Variants in MCPH1 observed in about 807,000 individuals in gnomAD.
The protein encoded by MCPH1 is microcephalin.
In MCPH1, 104 loss-of-function variants were observed where a neutral mutation model predicts 84.5. The ratio of observed to expected loss-of-function variants is 1.23; its 90% CI spans 1.05 to 1.45. The LOEUF (loss-of-function observed/expected upper bound fraction) is 1.45. MCPH1 is among the 40% of genes most tolerant of loss of function. MCPH1 has a pLI of 0.00. For synonymous variants in MCPH1, 514 were observed against 366.8 expected (o/e 1.40, Z -4.58); for missense variants, 1,498 against 1,005.7 (o/e 1.49, Z -6.62).
At position 6,644,558 on chromosome 8, in the gene MCPH1, A is replaced by C. The variant is rs1798119779; in HGVS notation, c.*1509A>C. The C allele has an allele frequency of 6.6e-6, 1 of 152,222 alleles. No individual in the cohort carries two copies. The highest frequency in any genetic ancestry group is 1.5e-5 in the Non-Finnish European group (1 of 68,052). 9.4% of individuals were successfully genotyped at this position (152,222 alleles called of 1,614,324 possible). A position where few individuals can be genotyped will look rare whatever the true frequency, so the allele number is the denominator to read the frequency against. ...TCCAAACACAGTAACATTCAAGCTG[A>C]GCACCAAATCAAGAACGCAATCCCA... On this transcript the variant is annotated 3_prime_UTR_variant, in exon 14 of 14. Transcript: ENST00000344683.
At chr8:6,470,457 G>A (rs992715434) in intron 9 of MCPH1, among the ~76,000 whole-genome samples, 2 of 151,930 alleles carry the variant, frequency 1.3e-5, no homozygotes, top group African/African-American at 4.8e-5. Flanking sequence ...GCTAATTTTT[G>A]TATTTTTAGG....
intron 12 of MCPH1, chr8:6,508,694 G>A (rs1453217352): frequency 3.4e-5 from 21 of 612,744 alleles, no homozygotes; most frequent in Non-Finnish European, 8.5e-6. Flanking sequence ...CCTTGCCAGG[G>A]CTAGGTCCTG....
In MCPH1 at chr8:6,419,146, C is replaced by CACAG. The variant is rs779519353; in HGVS notation, c.233+4266_233+4267insGACA. 7.4e-3 allele frequency among the ~76,000 whole-genome samples: 680 copies of CACAG among 92,512 alleles called. 1 individual carries two copies. Among genetic ancestry groups the CACAG allele is most frequent in the Middle Eastern group, 0.011 (2 of 174 alleles). 60.7% of individuals were successfully genotyped at this position (92,512 alleles called of 152,430 possible). ...ATACACATACACACACACACACACA[C>CACAG]ACACAGACACACACACACACACACA... is the stretch of plus-strand genomic sequence containing the variant. On this transcript the variant is annotated intron_variant, in intron 3 of 13. Transcript: ENST00000344683.
In MCPH1 at chr8:6,416,287, TGTC is replaced by T. The variant is rs1563174185; in HGVS notation, c.233+1405_233+1407del. 4.3e-3 allele frequency among the ~76,000 whole-genome samples: 3 copies of T among 704 alleles called. No homozygotes were observed. The East Asian group carries it at 0.19, about 44-fold the overall frequency. 0.5% of individuals were successfully genotyped at this position (704 alleles called of 152,430 possible). A position where few individuals can be genotyped will look rare whatever the true frequency, so the allele number is the denominator to read the frequency against. On this transcript the variant is annotated intron_variant, in intron 3 of 13. Transcript: ENST00000344683. ...TCTGGCCGCATGTTATGTCATGTCA[TGTC>T]ATGTCATGTCATGTCATGTCATGTT...
intron 12 of MCPH1, chr8:6,502,847 T>C: frequency 4.5e-6 from 2 of 448,798 alleles, no homozygotes; most frequent in Non-Finnish European, 7.9e-6. Flanking sequence ...ATTCTCAGCC[T>C]CGGGTTCATC....
intron 12 of MCPH1, among the ~76,000 whole-genome samples, chr8:6,556,568 C>T (rs1355584233): frequency 6.6e-6 from 1 of 152,130 alleles, no homozygotes; most frequent in Non-Finnish European, 1.5e-5. Flanking sequence ...CACGTTCTGA[C>T]CAAAGCATAG....
intron 13 of MCPH1, among the ~76,000 whole-genome samples, chr8:6,640,105 CGT>C (rs139021455): frequency 0.013 from 1,731 of 133,554 alleles, 31 homozygotes; most frequent in African/African-American, 0.035. Context: ...TGTGCGCGCG[CGT>C]GTGTGTGTGT....
chr8:6,484,072 A>G (rs1270264085), intron 11 of MCPH1, among the ~76,000 whole-genome samples: 1 of 152,222 alleles, frequency 6.6e-6, no homozygotes, highest in South Asian at 2.1e-4. Flanking sequence ...AAACATAGAT[A>G]AGTTAGATTT....
At chr8:6,600,292 G>A (rs898687932) in intron 12 of MCPH1, among the ~76,000 whole-genome samples, 12 of 152,248 alleles carry the variant, frequency 7.9e-5, no homozygotes, top group Non-Finnish European at 1.6e-4. Flanking sequence ...GTGCAAGGGA[G>A]AGAGGGTCCC....
chr8:6,445,137 A>T lies in MCPH1; in HGVS notation c.1415A>T (p.Asp472Val), dbSNP rs753017806. The T allele has an allele frequency of 8.1e-6, 13 of 1,614,152 alleles. No individual in the cohort carries two copies. In the East Asian group the frequency reaches 2.9e-4, roughly 36 times the overall value. The change falls in exon 8 of 14, where the codon GAC becomes GTC. Residue 472 changes from aspartate (D) to valine (V), a missense_variant. Physicochemically the swap from Asp to Val is radical, Grantham distance 152. Transcript: ENST00000344683. ...SCVGKKTRTVDITNFTAKTIS... is the reference protein window; with the variant it reads ...SCVGKKTRTVVITNFTAKTIS... The stretch of plus-strand genomic sequence containing the variant: ...GTTGGCAAAAAAACCAGAACAGTTG[A>T]CATTACCAATTTCACAGCAAAAACC...
intron 11 of MCPH1, among the ~76,000 whole-genome samples, chr8:6,486,402 T>C (rs1563274609): frequency 6.6e-6 from 1 of 152,132 alleles, no homozygotes; most frequent in Non-Finnish European, 1.5e-5. Context: ...TAAACTGGCC[T>C]CCAAGAAAAA....
intron 9 of MCPH1, among the ~76,000 whole-genome samples, chr8:6,457,441 C>G (rs1039421135): frequency 6.6e-6 from 1 of 151,562 alleles, no homozygotes; most frequent in Non-Finnish European, 1.5e-5. Flanking sequence ...CCCGTCTCTA[C>G]AAAAAACACA....
chr8:6,444,230 C>T (rs574771809), intron 7 of MCPH1, among the ~76,000 whole-genome samples, 163 bp from the exon 8 acceptor site: 60 of 152,310 alleles, frequency 3.9e-4, no homozygotes, highest in African/African-American at 1.4e-3. Context: ...AAATACTGGC[C>T]TAAAATGTAC....
chr8:6,566,155 A>C (rs561799050), intron 12 of MCPH1, among the ~76,000 whole-genome samples: 1 of 152,330 alleles, frequency 6.6e-6, no homozygotes, highest in South Asian at 2.1e-4. Context: ...AATTTCTTGT[A>C]ATTTTCACAT....
chr8:6,474,184 G>A (rs75692067), intron 9 of MCPH1: 9,214 of 722,792 alleles, frequency 0.013, 91 homozygotes, highest in Middle Eastern at 0.032. Context: ...CAGCTACTCT[G>A]TCTTCATCTA....
chr8:6,406,879 CT>C (rs1563158433), intron 1 of MCPH1, among the ~76,000 whole-genome samples, 190 bp downstream of exon 1: 1 of 7,900 alleles, frequency 1.3e-4, no homozygotes, highest in African/African-American at 2.7e-4. Flanking sequence ...TGCTCCTGCT[CT>C]CTCCCCCGCT....
chr8:6,460,741 G>T (rs927805331), intron 9 of MCPH1, among the ~76,000 whole-genome samples: 15 of 151,992 alleles, frequency 9.9e-5, no homozygotes, highest in African/African-American at 3.6e-4. Flanking sequence ...TGGAGCTGGG[G>T]TTCTGTCTCT....
intron 12 of MCPH1, among the ~76,000 whole-genome samples, chr8:6,518,227 GT>G (rs1311300737): frequency 6.6e-6 from 1 of 152,146 alleles, no homozygotes; most frequent in Non-Finnish European, 1.5e-5. Flanking sequence ...TGCATCCTCT[GT>G]CCCCCCTCTT....
rs1396790518 is a variant in MCPH1, at chr8:6,485,258, G to A, written c.2136+4382G>A. Among the ~76,000 whole-genome samples the A allele has an allele frequency of 3.3e-5, 5 of 152,084 alleles. No homozygotes were observed. In the East Asian group the frequency reaches 9.7e-4, roughly 29 times the overall value. On this transcript the variant is annotated intron_variant, in intron 11 of 13. Coordinates refer to ENST00000344683, the MANE Select transcript of MCPH1 (RefSeq NM_024596.5). ...GAGAATCGCTTGAACTTGGAGGGAGGAGGTTGCAGTGAGCCGAGATCACGC... is the reference window on the plus strand; with the variant it reads ...GAGAATCGCTTGAACTTGGAGGGAGAAGGTTGCAGTGAGCCGAGATCACGC...
Sources: allele counts gnomAD v4.1 joint callset (sites outside exome capture counted in the v4.1 genomes callset), GRCh38; gene constraint gnomAD v4.1.1; transcripts MANE v1.5; gene names NCBI Gene and HGNC (gene_info 2026-07-23, HGNC 2026-07-21).